Variants in ELP4 observed in about 807,000 individuals in gnomAD.
ELP4 encodes the protein elongator acetyltransferase complex subunit 4, also known as elongator complex protein 4.
ELP4 carries 51 observed loss-of-function variants against 48.9 expected under a neutral mutation model. The observed-to-expected ratio is 1.04, with a 90% CI of 0.83 to 1.32. ELP4 has a LOEUF of 1.32. Among genes scored for constraint, ELP4 ranks in the 40% most tolerant of loss-of-function variants. The pLI is 0.00. For synonymous variants in ELP4, 210 were observed against 189.2 expected (o/e 1.11, Z -0.90); for missense variants, 519 against 514.6 (o/e 1.01, Z -0.08).
intron 7 of ELP4, among the ~76,000 whole-genome samples, chr11:31,638,781 A>AG (rs1453313739): frequency 3.3e-5 from 5 of 151,864 alleles, no homozygotes; most frequent in African/African-American, 1.2e-4. Flanking sequence ...TTAGCAGCTA[A>AG]ACTCTAAGTC....
intron 7 of ELP4, among the ~76,000 whole-genome samples, chr11:31,641,430 C>G (rs1259583857): frequency 6.6e-6 from 1 of 151,636 alleles, no homozygotes; most frequent in East Asian, 1.9e-4. Context: ...AAAAGCAATG[C>G]TATATTTTAT....
intron 2 of ELP4, among the ~76,000 whole-genome samples, chr11:31,527,507 C>T (rs182339734): frequency 2.0e-3 from 307 of 152,202 alleles, no homozygotes; most frequent in African/African-American, 7.0e-3. Flanking sequence ...CCTATGGACT[C>T]TGGATTATTG....
chr11:31,573,429 G>T (rs545516331), intron 3 of ELP4, among the ~76,000 whole-genome samples: 1 of 152,216 alleles, frequency 6.6e-6, no homozygotes, highest in South Asian at 2.1e-4. Flanking sequence ...TATAAACTAG[G>T]TGGTTTAAAC....
At chr11:31,727,268 A>AATGTGT (rs1367078360) in intron 9 of ELP4, among the ~76,000 whole-genome samples, 1 of 152,070 alleles carries the variant, frequency 6.6e-6, no homozygotes, top group African/African-American at 2.4e-5. Context: ...GCTAACTAAA[A>AATGTGT]ATGTGTTTGA....
intron 3 of ELP4, among the ~76,000 whole-genome samples, chr11:31,544,040 C>T (rs1956644171): frequency 6.6e-6 from 1 of 152,214 alleles, no homozygotes; most frequent in South Asian, 2.1e-4. Context: ...CGAATAGGAA[C>T]AGCTCCGGTC....
chr11:31,657,072 T>C (rs1346495010), intron 9 of ELP4, among the ~76,000 whole-genome samples: 1 of 152,050 alleles, frequency 6.6e-6, no homozygotes, highest in Non-Finnish European at 1.5e-5. Flanking sequence ...AGTAAGAAGA[T>C]ACATTTTACT....
intron 3 of ELP4, among the ~76,000 whole-genome samples, chr11:31,559,441 G>A (rs1212316522): frequency 6.6e-6 from 1 of 152,146 alleles, no homozygotes; most frequent in East Asian, 1.9e-4. Context: ...TTCAAAAACA[G>A]GGTAGATGAT....
chr11:31,744,313 A>G (rs1314574652), intron 9 of ELP4, among the ~76,000 whole-genome samples: 1 of 152,230 alleles, frequency 6.6e-6, no homozygotes, highest in Non-Finnish European at 1.5e-5. Flanking sequence ...TACCAGAGGT[A>G]CAAGGAGGAG....
At chr11:31,527,771 C>G (rs1956321766) in intron 2 of ELP4, among the ~76,000 whole-genome samples, 1 of 152,044 alleles carries the variant, frequency 6.6e-6, no homozygotes, top group East Asian at 1.9e-4. Context: ...AGAAGCTAAT[C>G]ATAGTATATC....
At chr11:31,539,203 G>A (rs564083067) in intron 2 of ELP4, among the ~76,000 whole-genome samples, 123 of 152,294 alleles carry the variant, frequency 8.1e-4, no homozygotes, top group African/African-American at 2.8e-3. Flanking sequence ...GGTGGCTTAC[G>A]CCTGTAATCC....
rs184557024 is a variant in ELP4 at position 31,744,701 on chromosome 11, A to G, written c.1144-38692A>G. Among the ~76,000 whole-genome samples, 365 of 152,356 alleles carry G rather than the reference A, an allele frequency of 2.4e-3. 1 individual carries two copies. Among genetic ancestry groups the G allele is most frequent in the African/African-American group, 8.2e-3 (341 of 41,574 alleles). On this transcript the variant is annotated intron_variant, in intron 9 of 9. Coordinates refer to ENST00000640961, the MANE Select transcript of ELP4 (RefSeq NM_019040.5). ...ACAAAATTCAACAATGCTTCATGCT[A>G]AAAACTCTCAATAAATTAGGTATTG...
At chr11:31,575,697 A>T (rs557931918) in intron 3 of ELP4, among the ~76,000 whole-genome samples, 2 of 152,246 alleles carry the variant, frequency 1.3e-5, no homozygotes, top group African/African-American at 4.8e-5. Flanking sequence ...ACTAAGCTTC[A>T]TAAGTGAAGG....
chr11:31,738,711 A>G (rs1353756236), intron 9 of ELP4, among the ~76,000 whole-genome samples: 1 of 152,086 alleles, frequency 6.6e-6, no homozygotes, highest in African/African-American at 2.4e-5. Context: ...ACTGTACTAT[A>G]GCCTGGGCAA....
intron 9 of ELP4, among the ~76,000 whole-genome samples, chr11:31,749,641 T>C (rs1947673543): frequency 6.6e-6 from 1 of 152,162 alleles, no homozygotes; most frequent in Admixed American, 6.5e-5. Context: ...TTAAACTAAG[T>C]CTCTGTGGAG....
At chr11:31,526,290 G>A (rs1956293432) in intron 2 of ELP4, among the ~76,000 whole-genome samples, 1 of 151,858 alleles carries the variant, frequency 6.6e-6, no homozygotes, top group Admixed American at 6.6e-5. Context: ...AATCCCTTAT[G>A]GGGCTGTTCC....
At chr11:31,740,089 T>C (rs541201921) in intron 9 of ELP4, among the ~76,000 whole-genome samples, 4 of 152,366 alleles carry the variant, frequency 2.6e-5, no homozygotes, top group South Asian at 2.1e-4. Context: ...GAAAAAACTA[T>C]ATAGCAATCA....
At chr11:31,639,117 A>G (rs1232221123) in intron 7 of ELP4, among the ~76,000 whole-genome samples, 1 of 151,854 alleles carries the variant, frequency 6.6e-6, no homozygotes, top group Non-Finnish European at 1.5e-5. Flanking sequence ...TACAGTTACT[A>G]AAGGATAAAG....
chr11:31,649,844 T>C (rs1186846677), intron 8 of ELP4: 1 of 278,792 alleles, frequency 3.6e-6, no homozygotes, highest in African/African-American at 2.2e-5. Flanking sequence ...GGCTGTAGTT[T>C]TGACAAGTAT....
In ELP4 at chr11:31,541,608, T is replaced by C. The variant is rs539912263; in HGVS notation, c.381+1825T>C. ...AAGCAGAAATGCCTGTATATGCTTT[T>C]GAAAATAAAGTTTTTTATTTTTATT... is the stretch of plus-strand genomic sequence containing the variant. On this transcript the variant is annotated intron_variant, in intron 3 of 9. Transcript: ENST00000640961. The C allele has an allele frequency of 2.6e-5, 4 of 152,360 alleles. No homozygotes were observed. In the East Asian group the frequency reaches 7.7e-4, roughly 29 times the overall value. 9.4% of individuals were successfully genotyped at this position (152,360 alleles called of 1,614,324 possible).
Sources: allele counts gnomAD v4.1 joint callset (sites outside exome capture counted in the v4.1 genomes callset), GRCh38; gene constraint gnomAD v4.1.1; transcripts MANE v1.5; gene names NCBI Gene and HGNC (gene_info 2026-07-23, HGNC 2026-07-21).